Variants in GATB observed in about 807,000 individuals in gnomAD.
GATB encodes glutamyl-tRNA(Gln) amidotransferase subunit B, mitochondrial.
A neutral mutation model predicts 62.3 loss-of-function variants in GATB; 39 were observed. The ratio of observed to expected loss-of-function variants is 0.63; its 90% CI spans 0.48 to 0.82. The LOEUF (loss-of-function observed/expected upper bound fraction) is 0.82, where lower values mean the gene tolerates loss of function less well. Ranked by LOEUF, GATB falls within the 40% of genes least tolerant of loss-of-function variation. The pLI, the probability that GATB is intolerant of heterozygous loss-of-function variation, is 0.00. For synonymous variants in GATB, 276 were observed against 258.9 expected, an observed-to-expected ratio of 1.07 and a Z score of -0.63; for missense variants, 670 against 684.0, an observed-to-expected ratio of 0.98 and a Z score of 0.23.
intron 2 of GATB, among the ~76,000 whole-genome samples, chr4:151,725,003 C>A (rs1247347679): frequency 2.0e-5 from 3 of 152,216 alleles, no homozygotes; most frequent in Non-Finnish European, 4.4e-5. Flanking sequence ...TCTTTTAACA[C>A]AGAGGCTTTA....
intron 9 of GATB, among the ~76,000 whole-genome samples, chr4:151,699,165 G>A (rs927568641): frequency 6.6e-5 from 10 of 152,170 alleles, no homozygotes; most frequent in East Asian, 5.8e-4. Context: ...AGAGGCAGGC[G>A]GATCACTTGA....
rs751615279 is a variant in GATB, at chr4:151,716,880, C to T, written c.636G>A (p.Arg212=). The T allele has an allele frequency of 1.9e-6, 3 of 1,614,056 alleles. No individual in the cohort carries two copies. The highest frequency in any genetic ancestry group is 2.5e-6 in the Non-Finnish European group (3 of 1,179,954). The stretch of plus-strand genomic sequence containing the variant: ...ATGAAAACACTCCAAGCCTACCTGC[C>T]CTGTTCAAATCAATGAGCGTCTGAG... ...LRSQTLIDLN[R]AGVGLLEVVL... The change falls in exon 4 of 13, where the codon AGG becomes AGA. Residue 212 remains arginine, a synonymous_variant. Coordinates refer to ENST00000263985, the MANE Select transcript of GATB (RefSeq NM_004564.3).
At chr4:151,703,020 G>A (rs1312111951) in intron 8 of GATB, among the ~76,000 whole-genome samples, 1 of 152,144 alleles carries the variant, frequency 6.6e-6, no homozygotes, top group Non-Finnish European at 1.5e-5. Flanking sequence ...AGGGGAAGGC[G>A]CACCAACAGG....
At position 151,697,696 on chromosome 4, in the gene GATB, T is replaced by C. The variant is rs1487596149; in HGVS notation, c.1197+3633A>G. 2.7e-5 allele frequency among the ~76,000 whole-genome samples: 4 copies of C among 148,694 alleles called. No homozygotes were observed. The East Asian group carries it at 5.9e-4, about 22-fold the overall frequency. On this transcript the variant is annotated intron_variant, in intron 9 of 12. Transcript: ENST00000263985. ...ATTTATATATATAGAAAAGCTAACA[T>C]TGCTTCTCTAGCTTATGTCAAGTTG...
intron 2 of GATB, among the ~76,000 whole-genome samples, chr4:151,732,044 G>C (rs1236478726): frequency 5.6e-4 from 56 of 99,264 alleles, no homozygotes; most frequent in African/African-American, 1.5e-3. Flanking sequence ...CGCCCCGTCC[G>C]GGAGGGAGGT....
At chr4:151,700,323 G>T (rs1052749725) in intron 9 of GATB, among the ~76,000 whole-genome samples, 1 of 152,156 alleles carries the variant, frequency 6.6e-6, no homozygotes, top group African/African-American at 2.4e-5. Flanking sequence ...TTGCCAGAGA[G>T]GTAAGAAGAA....
At chr4:151,738,371 G>A (rs140877297) in intron 2 of GATB, among the ~76,000 whole-genome samples, 6 of 152,168 alleles carry the variant, frequency 3.9e-5, no homozygotes, top group Non-Finnish European at 7.3e-5. Context: ...TAAGTCTCAC[G>A]AGATCTGATG....
intron 2 of GATB, among the ~76,000 whole-genome samples, chr4:151,727,525 T>C (rs1290826765): frequency 6.6e-6 from 1 of 151,978 alleles, no homozygotes; most frequent in Non-Finnish European, 1.5e-5. Context: ...GTAGATTAAC[T>C]GGTCTCTATT....
chr4:151,689,394 G>A (rs1738317404), intron 9 of GATB, among the ~76,000 whole-genome samples: 1 of 152,134 alleles, frequency 6.6e-6, no homozygotes, highest in Non-Finnish European at 1.5e-5. Flanking sequence ...GGTGGAGAGG[G>A]CAGCAGTGTC....
Position 151,760,909 on chromosome 4 carries a change from CAAGAACCA to C in GATB, c.66_73del (p.Gly23ProfsTer15). On this transcript the variant is annotated frameshift_variant, in exon 1 of 13. Coordinates refer to ENST00000263985, the MANE Select transcript of GATB (RefSeq NM_004564.3). LOFTEE classifies it high-confidence loss of function. ...CCCAGTCGGAGCCCCTCTTCGGTGG[CAAGAACCA>C]CCGTCAACCCGGGCGAAAGCCCAAC... 6.2e-7 allele frequency: 1 copy of C among 1,613,964 alleles called. No homozygotes were observed. Among genetic ancestry groups the C allele is most frequent in the Non-Finnish European group, 8.5e-7 (1 of 1,179,912 alleles).
Position 151,679,838 on chromosome 4 carries a change from G to T in GATB, c.1385C>A (p.Thr462Lys). 1 of 1,614,128 alleles carries T rather than the reference G, an allele frequency of 6.2e-7. No individual in the cohort carries two copies. Among genetic ancestry groups the T allele is most frequent in the Non-Finnish European group, 8.5e-7 (1 of 1,180,002 alleles). ...CTGTTTAGCTGCTGATGAAGAAATT[G>T]TTCTGCTGTCCAGCAGGTCAAGAAG... Reference protein sequence around the residue: ...AELLDLLDSRTISSSAAKQVF... With the variant: ...AELLDLLDSRKISSSAAKQVF... The change falls in exon 11 of 13, where the codon ACA becomes AAA. Residue 462 changes from threonine (T) to lysine (K), a missense_variant. By Grantham distance (78) the Thr-to-Lys change is moderately conservative. Coordinates refer to ENST00000263985, the MANE Select transcript of GATB (RefSeq NM_004564.3).
chr4:151,733,616 C>G (rs1378877344), intron 2 of GATB, among the ~76,000 whole-genome samples: 1 of 152,122 alleles, frequency 6.6e-6, no homozygotes, highest in Non-Finnish European at 1.5e-5. Flanking sequence ...TTCTATGAAG[C>G]CAGCATCACC....
intron 9 of GATB, among the ~76,000 whole-genome samples, chr4:151,690,811 G>A (rs1307112065): frequency 6.6e-6 from 1 of 152,170 alleles, no homozygotes; most frequent in Admixed American, 6.5e-5. Context: ...TTCACTAGGG[G>A]ATACATAGTT....
At chr4:151,684,362 C>G (rs1279598389) in intron 10 of GATB, among the ~76,000 whole-genome samples, 2 of 152,212 alleles carry the variant, frequency 1.3e-5, no homozygotes, top group African/African-American at 4.8e-5. Flanking sequence ...ACCAAATAAA[C>G]CAACCTTTCA....
intron 2 of GATB, among the ~76,000 whole-genome samples, chr4:151,738,354 TAGTG>T (rs1277549700): frequency 3.3e-5 from 5 of 152,190 alleles, no homozygotes; most frequent in Non-Finnish European, 7.3e-5. Flanking sequence ...ATTCTCGCGA[TAGTG>T]AGTAAGTCTC....
intron 3 of GATB, 170 bp from the exon 4 acceptor site, chr4:151,717,244 G>A (rs1738932290): frequency 1.6e-6 from 1 of 625,822 alleles, no homozygotes; most frequent in Non-Finnish European, 2.8e-6. Context: ...AGCCATCATT[G>A]AGCCTGGTCT....
Position 151,701,479 on chromosome 4 carries a change from G to C in GATB, c.1047C>G (p.Tyr349Ter), listed in dbSNP as rs1193465605. The C allele has an allele frequency of 6.3e-7, 1 of 1,587,596 alleles. No individual in the cohort carries two copies. Among genetic ancestry groups the C allele is most frequent in the Non-Finnish European group, 8.6e-7 (1 of 1,165,678 alleles). ...CACCTGCGGGCAGAGATGTGGCGTC[G>C]TAGAGCACCAGGGGAGGCAGGTTGG... ...PEPNLPPLVL[Y>*]DATSLPAGAD... Residue 349 changes from tyrosine (Y) to a stop codon, truncating the protein, a stop_gained, in exon 9 of 13, where the codon TAC (tyrosine) becomes TAG (stop). Coordinates refer to ENST00000263985, the MANE Select transcript of GATB (RefSeq NM_004564.3). LOFTEE classifies it high-confidence loss of function.
chr4:151,757,727 T>A (rs1444623157), intron 2 of GATB, among the ~76,000 whole-genome samples: 1 of 152,140 alleles, frequency 6.6e-6, no homozygotes, highest in African/African-American at 2.4e-5. Flanking sequence ...TTCGCCCACC[T>A]TGGCCTTCCA....
intron 2 of GATB, among the ~76,000 whole-genome samples, chr4:151,747,556 A>C (rs1469983985): frequency 6.6e-6 from 1 of 152,208 alleles, no homozygotes; most frequent in Admixed American, 6.5e-5. Context: ...CATTCCATAG[A>C]GATACCTCCA....
Sources: gnomAD v4.1 joint callset for allele counts (sites outside exome capture counted in the v4.1 genomes callset) on GRCh38, gnomAD v4.1.1 for gene constraint, MANE v1.5 for transcripts, NCBI Gene and HGNC (gene_info 2026-07-23, HGNC 2026-07-21) for gene names.